Variants in ADAMTS3 observed in about 807,000 individuals in gnomAD.
ADAMTS3 encodes the protein A disintegrin and metalloproteinase with thrombospondin motifs 3.
In ADAMTS3, 73 loss-of-function variants were observed where a neutral mutation model predicts 129.0. The observed-to-expected ratio is 0.57, with a 90% CI of 0.47 to 0.69. The LOEUF is 0.69. ADAMTS3 is among the 30% of genes least tolerant of loss of function. The probability of loss-of-function intolerance (pLI) is 0.00; values close to 1 mark genes in which losing one functional copy is unlikely to be tolerated. For missense variants in ADAMTS3, 1,457 were observed against 1,514.5 expected (o/e 0.96, Z 0.63); for synonymous variants, 477 against 510.8 (o/e 0.93, Z 0.89).
intron 4 of ADAMTS3, among the ~76,000 whole-genome samples, chr4:72,375,899 A>T (rs1417254503): frequency 2.0e-5 from 3 of 152,198 alleles, no homozygotes; most frequent in African/African-American, 7.2e-5. Context: ...AGCTATAATC[A>T]GGGCATTATG....
intron 20 of ADAMTS3, 22 bp from the exon 21 acceptor site, chr4:72,288,890 TTAC>T (rs2109768976): frequency 6.9e-7 from 1 of 1,446,888 alleles, no homozygotes. Flanking sequence ...AAGGCTGTGG[TTAC>T]AGACATTTAT....
chr4:72,319,331 C>T lies in ADAMTS3; in HGVS notation c.1352+1G>A. Reference sequence around the variant, plus strand: ...TTCATGACATGCAGCAGGGGACATACTGGATATATCTTTTCAGTTCTTGAC... The same window carrying T: ...TTCATGACATGCAGCAGGGGACATATTGGATATATCTTTTCAGTTCTTGAC... On this transcript the variant is annotated splice_donor_variant, in intron 9 of 21. Coordinates refer to ENST00000286657, the MANE Select transcript of ADAMTS3 (RefSeq NM_014243.3). LOFTEE classifies it high-confidence loss of function. 1 of 1,613,716 alleles carries T rather than the reference C, an allele frequency of 6.2e-7. No homozygotes were observed.
intron 3 of ADAMTS3, among the ~76,000 whole-genome samples, chr4:72,467,032 C>T (rs1411711821): frequency 1.3e-5 from 2 of 151,986 alleles, no homozygotes; most frequent in Non-Finnish European, 2.9e-5. Context: ...AGTAATCAAA[C>T]ATTATTTCAA....
At chr4:72,563,402 G>A (rs1721950451) in intron 2 of ADAMTS3, among the ~76,000 whole-genome samples, 2 of 152,062 alleles carry the variant, frequency 1.3e-5, no homozygotes, top group Admixed American at 1.3e-4. Context: ...ACACTTTCTA[G>A]TACTGCTGCT....
At chr4:72,285,203 A>G (rs2109763899) in intron 21 of ADAMTS3, among the ~76,000 whole-genome samples, 1 of 152,330 alleles carries the variant, frequency 6.6e-6, no homozygotes, top group Non-Finnish European at 1.5e-5. Flanking sequence ...ATTGAGCTGT[A>G]ATACGATGTC....
At chr4:72,303,078 T>A (rs1206752923) in intron 17 of ADAMTS3, among the ~76,000 whole-genome samples, 1 of 152,136 alleles carries the variant, frequency 6.6e-6, no homozygotes, top group African/African-American at 2.4e-5. Flanking sequence ...CTGCTAGATA[T>A]GAATAAGACC....
At chr4:72,430,133 T>C (rs981545009) in intron 3 of ADAMTS3, among the ~76,000 whole-genome samples, 1 of 152,068 alleles carries the variant, frequency 6.6e-6, no homozygotes, top group Non-Finnish European at 1.5e-5. Flanking sequence ...ATTACAATTG[T>C]TCTTATCCCA....
At chr4:72,362,546 C>T (rs1218942985) in intron 4 of ADAMTS3, among the ~76,000 whole-genome samples, 1 of 152,120 alleles carries the variant, frequency 6.6e-6, no homozygotes, top group Non-Finnish European at 1.5e-5. Flanking sequence ...AATATCATTT[C>T]AAAATGACTG....
intron 3 of ADAMTS3, among the ~76,000 whole-genome samples, chr4:72,451,160 T>G (rs1249483546): frequency 6.6e-6 from 1 of 151,712 alleles, no homozygotes; most frequent in Non-Finnish European, 1.5e-5. Context: ...CAAAGCCTAA[T>G]GCTGGCCAGA....
chr4:72,287,422 G>T (rs984516137), intron 21 of ADAMTS3, among the ~76,000 whole-genome samples: 2 of 151,212 alleles, frequency 1.3e-5, no homozygotes, highest in Admixed American at 1.3e-4. Context: ...GATAAAGAAA[G>T]AGAAAGGGAG....
chr4:72,369,770 A>C (rs1720958940), intron 4 of ADAMTS3, among the ~76,000 whole-genome samples: 2 of 151,978 alleles, frequency 1.3e-5, no homozygotes, highest in Middle Eastern at 3.4e-3. Context: ...AAAAAAAAAA[A>C]CTTTGAAGGT....
chr4:72,502,018 A>G (rs907203565), intron 3 of ADAMTS3, among the ~76,000 whole-genome samples: 2 of 152,030 alleles, frequency 1.3e-5, no homozygotes, highest in Non-Finnish European at 2.9e-5. Flanking sequence ...GTTTGCTAGT[A>G]TTTCCTTTTC....
intron 3 of ADAMTS3, among the ~76,000 whole-genome samples, chr4:72,453,477 C>T (rs1169215373): frequency 6.6e-6 from 1 of 151,738 alleles, no homozygotes; most frequent in Non-Finnish European, 1.5e-5. Flanking sequence ...ATGTGTTATC[C>T]CTGTTAGACA....
intron 3 of ADAMTS3, among the ~76,000 whole-genome samples, chr4:72,490,786 C>G (rs965260184): frequency 4.6e-5 from 7 of 151,788 alleles, no homozygotes; most frequent in Non-Finnish European, 8.9e-5. Flanking sequence ...TAGCTTTATT[C>G]TTCCTGCTAA....
At chr4:72,457,465 T>C (rs1718655568) in intron 3 of ADAMTS3, among the ~76,000 whole-genome samples, 1 of 151,688 alleles carries the variant, frequency 6.6e-6, no homozygotes, top group Non-Finnish European at 1.5e-5. Flanking sequence ...GTTACATTTT[T>C]AGATGTTTTA....
At chr4:72,529,879 T>TATAATATATTATATATTATATATAA (rs1720926525) in intron 3 of ADAMTS3, among the ~76,000 whole-genome samples, 1 of 72,566 alleles carries the variant, frequency 1.4e-5, no homozygotes, top group Non-Finnish European at 2.4e-5. Flanking sequence ...ATAAATTATA[T>TATAATATATTATATATTATATATAA]ATAATATATT....
At chr4:72,388,404 A>C (rs894383350) in intron 4 of ADAMTS3, among the ~76,000 whole-genome samples, 3 of 152,178 alleles carry the variant, frequency 2.0e-5, no homozygotes, top group African/African-American at 7.2e-5. Flanking sequence ...TCTGTCATCA[A>C]GACCTACTAG....
chr4:72,501,648 A>C (rs2110024546), intron 3 of ADAMTS3, among the ~76,000 whole-genome samples: 1 of 152,220 alleles, frequency 6.6e-6, no homozygotes, highest in East Asian at 1.9e-4. Flanking sequence ...TCCCAGTACT[A>C]TGTTGAATAG....
chr4:72,523,032 A>C (rs1259028049), intron 3 of ADAMTS3, among the ~76,000 whole-genome samples: 1 of 152,128 alleles, frequency 6.6e-6, no homozygotes, highest in Non-Finnish European at 1.5e-5. Context: ...AATGGAAGAA[A>C]TAATGTCTGA....
Sources: gnomAD v4.1 joint callset for allele counts (sites outside exome capture counted in the v4.1 genomes callset) on GRCh38, gnomAD v4.1.1 for gene constraint, MANE v1.5 for transcripts, NCBI Gene and HGNC (gene_info 2026-07-23, HGNC 2026-07-21) for gene names.